FAM151A: variants seen among roughly 807,000 people sequenced by gnomAD.
The protein encoded by FAM151A is family with sequence similarity 151 member A, also known as protein FAM151A.
FAM151A carries 41 observed loss-of-function variants against 40.4 expected under a neutral mutation model. The observed-to-expected ratio is 1.01, with a 90% CI of 0.79 to 1.32. The LOEUF is 1.32. FAM151A is among the 40% of genes most tolerant of loss of function. FAM151A has a pLI of 0.00. For missense variants in FAM151A, 740 were observed against 740.4 expected, an observed-to-expected ratio of 1.00 and a Z score of 0.01; for synonymous variants, 337 against 312.5, an observed-to-expected ratio of 1.08 and a Z score of -0.83.
chr1:54,623,268 AG>A lies in FAM151A; in HGVS notation c.118+9del, dbSNP rs1644248888. The A allele has an allele frequency of 6.3e-7, 1 of 1,595,988 alleles. No homozygotes were observed. Among genetic ancestry groups the A allele is most frequent in the Admixed American group, 1.7e-5 (1 of 59,836 alleles). ...AAGCCACTCAGGATGACATGGGGGG[AG>A]GCACCTACCTGGCCGCCGCAGGGTG... On this transcript the variant is annotated intron_variant, in intron 1 of 7. Coordinates refer to ENST00000302250, the MANE Select transcript of FAM151A (RefSeq NM_176782.3).
At chr1:54,611,070 ACTGTATAAATTC>A in intron 6 of FAM151A, 1 of 951,714 alleles carries the variant, frequency 1.1e-6, no homozygotes, top group South Asian at 4.9e-5. Flanking sequence ...AAGCTGAGTG[ACTGTATAAATTC>A]CTGAACTGTT....
intron 2 of FAM151A, among the ~76,000 whole-genome samples, chr1:54,618,971 T>C (rs1433277624): frequency 1.3e-5 from 2 of 152,212 alleles, no homozygotes; most frequent in Non-Finnish European, 2.9e-5. Flanking sequence ...TCTGGTATAT[T>C]TCTGTTGCTT....
intron 2 of FAM151A, among the ~76,000 whole-genome samples, chr1:54,616,548 A>G (rs1033378599): frequency 6.6e-6 from 1 of 151,846 alleles, no homozygotes; most frequent in East Asian, 1.9e-4. Context: ...TAATTTTTGT[A>G]TTTAGTGGAG....
At chr1:54,622,757 G>A (rs1027069945) in intron 1 of FAM151A, among the ~76,000 whole-genome samples, 5 of 147,692 alleles carry the variant, frequency 3.4e-5, no homozygotes, top group East Asian at 2.0e-4. Flanking sequence ...AATAGTTAAC[G>A]GGACTTTCTG....
rs771500117 is a variant in FAM151A, at chr1:54,616,125, T to A, written c.310A>T (p.Thr104Ser). Residue 104 changes from threonine (T) to serine (S), a missense_variant, in exon 3 of 8, where the codon ACA becomes TCA. Coordinates refer to ENST00000302250, the MANE Select transcript of FAM151A (RefSeq NM_176782.3). ...EADVNVEGLG[T>S]ANETGVPIMA... ...ATGGGAACTCCTGTCTCATTGGCTG[T>A]GCCGAGCCCTTCTACATTGACGTCA... 1.9e-6 allele frequency: 3 copies of A among 1,614,180 alleles called. No homozygotes were observed. The South Asian group carries it at 3.3e-5, about 18-fold the overall frequency.
At chr1:54,615,588 T>C (rs1644164572) in intron 3 of FAM151A, among the ~76,000 whole-genome samples, 1 of 151,316 alleles carries the variant, frequency 6.6e-6, no homozygotes, top group Non-Finnish European at 1.5e-5. Flanking sequence ...GGGGTTAGGA[T>C]TGGTGGATGC....
intron 3 of FAM151A, among the ~76,000 whole-genome samples, 192 bp from the exon 4 acceptor site, chr1:54,615,051 CAG>C (rs1311079076): frequency 6.7e-6 from 1 of 149,758 alleles, no homozygotes; most frequent in East Asian, 2.0e-4. Flanking sequence ...AGAGCTAACT[CAG>C]AGAAGAAGGG....
At position 54,616,005 on chromosome 1, in the gene FAM151A, C is replaced by T. The variant is rs1557671924; in HGVS notation, c.415+15G>A. 1 of 1,612,668 alleles carries T rather than the reference C, an allele frequency of 6.2e-7. No individual in the cohort carries two copies. Among genetic ancestry groups the T allele is most frequent in the Admixed American group, 1.7e-5 (1 of 59,966 alleles). ...AGGGCTGGGGGCCGGAGAGGGTTTCCAGAGAGGCCCTTACCCTTTTGGGAA... is the reference window on the plus strand; with the variant it reads ...AGGGCTGGGGGCCGGAGAGGGTTTCTAGAGAGGCCCTTACCCTTTTGGGAA... On this transcript the variant is annotated intron_variant, in intron 3 of 7. Transcript: ENST00000302250.
intron 1 of FAM151A, 80 bp from the exon 2 acceptor site, chr1:54,620,087 C>T (rs1644215202): frequency 2.0e-6 from 3 of 1,477,798 alleles, no homozygotes; most frequent in African/African-American, 2.8e-5. Context: ...CATGACCCTC[C>T]CTGGGCTCCC....
intron 1 of FAM151A, 26 bp downstream of exon 1, chr1:54,623,252 A>G: frequency 6.5e-7 from 1 of 1,530,972 alleles, no homozygotes; most frequent in East Asian, 2.2e-5. Context: ...GAAGCCACTC[A>G]GGATGACATG....
intron 5 of FAM151A, among the ~76,000 whole-genome samples, chr1:54,612,069 AG>A (rs1644124123): frequency 2.5e-5 from 1 of 39,916 alleles, no homozygotes; most frequent in Non-Finnish European, 5.1e-5. Flanking sequence ...AGGCATCAAG[AG>A]GGGGAGGGGG....
Position 54,611,710 on chromosome 1 carries a change from G to C in FAM151A, c.836C>G (p.Pro279Arg). The change falls in exon 6 of 8, where the codon CCC (proline) becomes CGC (arginine). Residue 279 changes from proline to arginine, a missense_variant. Transcript: ENST00000302250. ...SLTLWQAASD[P>R]MSVEDLLYVR... ...GTAGAGCAGATCTTCCACCGACATGGGGTCCGAGGCAGCCTGCCACAGCGT... is the reference window on the plus strand; with the variant it reads ...GTAGAGCAGATCTTCCACCGACATGCGGTCCGAGGCAGCCTGCCACAGCGT... The C allele has an allele frequency of 6.2e-7, 1 of 1,614,146 alleles. No individual in the cohort carries two copies. The highest frequency in any genetic ancestry group is 2.2e-5 in the East Asian group (1 of 44,860).
intron 4 of FAM151A, 120 bp downstream of exon 4, chr1:54,614,580 G>T (rs753981218): frequency 4.0e-6 from 4 of 1,008,908 alleles, no homozygotes; most frequent in Non-Finnish European, 5.7e-6. Context: ...AAGGCTCAGA[G>T]GTGAGGCTAT....
At chr1:54,614,215 G>T (rs556557428) in intron 4 of FAM151A, among the ~76,000 whole-genome samples, 20 of 152,274 alleles carry the variant, frequency 1.3e-4, no homozygotes, top group Non-Finnish European at 2.1e-4. Flanking sequence ...GTATGTGAGG[G>T]CTGTGAGCAG....
intron 6 of FAM151A, 60 bp downstream of exon 6, chr1:54,611,546 A>C: frequency 6.4e-7 from 1 of 1,570,906 alleles, no homozygotes; most frequent in Non-Finnish European, 8.7e-7. Flanking sequence ...TCCAGTGCCC[A>C]CCAGGTGCTG....
rs1644153583 is a variant in FAM151A at position 54,614,757 on chromosome 1, T to C, written c.518A>G (p.Asn173Ser). The C allele has an allele frequency of 6.2e-7, 1 of 1,614,134 alleles. No homozygotes were observed. The highest frequency in any genetic ancestry group is 1.3e-5 in the African/African-American group (1 of 75,038). Reference protein sequence around the residue: ...EGKVRRPIWINADILKGPNML... With the variant: ...EGKVRRPIWISADILKGPNML... Reference sequence around the variant, plus strand: ...GTTGGGGCCCTTTAAGATGTCAGCGTTGATCCATATGGGCCGCCGGACTTT... The same window carrying C: ...GTTGGGGCCCTTTAAGATGTCAGCGCTGATCCATATGGGCCGCCGGACTTT... Residue 173 changes from asparagine to serine, a missense_variant, in exon 4 of 8, where the codon AAC becomes AGC. By Grantham distance (46) the Asn-to-Ser change is conservative (BLOSUM62 1). Transcript: ENST00000302250.
Position 54,609,298 on chromosome 1 carries a change from C to T in FAM151A, c.1728G>A (p.Lys576=), listed in dbSNP as rs1557667600. The change falls in exon 8 of 8, where the codon AAG becomes AAA. Residue 576 remains lysine, a synonymous_variant. Coordinates refer to ENST00000302250, the MANE Select transcript of FAM151A (RefSeq NM_176782.3). ...TTCTACCAACATGAGCCAGCAAGTCCTTGTGGTAGCCCTGGGGTAGCCTGT... is the reference window on the plus strand; with the variant it reads ...TTCTACCAACATGAGCCAGCAAGTCTTTGTGGTAGCCCTGGGGTAGCCTGT... ...VYYRLPQGYH[K]DLLAHVGRN The T allele has an allele frequency of 6.2e-7, 1 of 1,609,536 alleles. No homozygotes were observed. Among genetic ancestry groups the T allele is most frequent in the East Asian group, 2.2e-5 (1 of 44,722 alleles).
chr1:54,615,189 G>A (rs1644159968), intron 3 of FAM151A, among the ~76,000 whole-genome samples: 1 of 152,152 alleles, frequency 6.6e-6, no homozygotes, highest in African/African-American at 2.4e-5. Flanking sequence ...TCCTGAGCAG[G>A]GCAGACTCAG....
intron 2 of FAM151A, among the ~76,000 whole-genome samples, chr1:54,617,147 A>G (rs1644181310): frequency 6.6e-6 from 1 of 152,244 alleles, no homozygotes; most frequent in African/African-American, 2.4e-5. Context: ...TAACTCAATC[A>G]GGTGGACATC....
Sources: allele counts gnomAD v4.1 joint callset (sites outside exome capture counted in the v4.1 genomes callset), GRCh38; gene constraint gnomAD v4.1.1; transcripts MANE v1.5; gene names NCBI Gene and HGNC (gene_info 2026-07-23, HGNC 2026-07-21).